CLPX: variants seen among roughly 807,000 people sequenced by gnomAD.
The protein encoded by CLPX is caseinolytic mitochondrial matrix peptidase chaperone subunit X.
Under a neutral mutation model 76.4 loss-of-function variants are expected in CLPX, and 34 were observed. The ratio of observed to expected loss-of-function variants is 0.45; its 90% confidence interval spans 0.34 to 0.59. The LOEUF (loss-of-function observed/expected upper bound fraction) is 0.59, where lower values mean the gene tolerates loss of function less well. Among genes scored for constraint, CLPX ranks in the 20% least tolerant of loss-of-function variants. The probability of loss-of-function intolerance (pLI) is 0.01; values close to 1 mark genes in which losing one functional copy is unlikely to be tolerated. For synonymous variants in CLPX, 248 were observed against 270.9 expected (o/e 0.92, Z 0.83); for missense variants, 613 against 757.0 (o/e 0.81, Z 2.23).
At position 65,182,114 on chromosome 15, in the gene CLPX, G is replaced by A. The variant is rs114713526; in HGVS notation, c.80-1910C>T. On this transcript the variant is annotated intron_variant, in intron 1 of 13. Coordinates refer to ENST00000300107, the MANE Select transcript of CLPX (RefSeq NM_006660.5). ...CTCCAGCTTAAGCAACAGAGTCTCC[G>A]TCTCAAAAAAAAAAAAAAAGAAAGA... Among the ~76,000 whole-genome samples, 875 of 136,700 alleles carry A rather than the reference G, an allele frequency of 6.4e-3. 8 individuals are homozygous for A. Among genetic ancestry groups the A allele is most frequent in the African/African-American group, 0.024 (835 of 35,214 alleles). 89.7% of individuals were successfully genotyped at this position (136,700 alleles called of 152,430 possible).
Position 65,153,537 on chromosome 15 carries a change from G to C in CLPX, c.1704+10C>G. On this transcript the variant is annotated intron_variant, in intron 12 of 13. Transcript: ENST00000300107. ...GAAATAATTGTTTTTATAGAATAAT[G>C]CCAACTCACCATTATGGACCGAAGG... is the stretch of plus-strand genomic sequence containing the variant. 1 of 1,521,198 alleles carries C rather than the reference G, an allele frequency of 6.6e-7. No individual in the cohort carries two copies. Among genetic ancestry groups the C allele is most frequent in the South Asian group, 1.2e-5 (1 of 85,134 alleles). 94.2% of individuals were successfully genotyped at this position (1,521,198 alleles called of 1,614,324 possible).
intron 3 of CLPX, among the ~76,000 whole-genome samples, chr15:65,170,822 C>CTTTTTTTT (rs749248279): frequency 8.4e-6 from 1 of 118,576 alleles, no homozygotes; most frequent in Non-Finnish European, 1.7e-5. Flanking sequence ...TTCTGTTCTT[C>CTTTTTTTT]TTTTTTTTTT....
At chr15:65,183,112 C>T (rs751999662) in intron 1 of CLPX, among the ~76,000 whole-genome samples, 6 of 146,904 alleles carry the variant, frequency 4.1e-5, no homozygotes, top group Admixed American at 2.1e-4. Context: ...TGCAGTGAGC[C>T]GAGATCGCGC....
intron 3 of CLPX, among the ~76,000 whole-genome samples, chr15:65,168,382 T>G (rs2087948201): frequency 3.6e-4 from 1 of 2,760 alleles, no homozygotes; most frequent in African/African-American, 8.1e-4. Flanking sequence ...AGACTCTGTC[T>G]CAAAAAAAAA....
chr15:65,153,397 A>G, intron 12 of CLPX, 150 bp downstream of exon 12: 1 of 580,652 alleles, frequency 1.7e-6, no homozygotes, highest in Non-Finnish European at 3.0e-6. Context: ...TGGAGATTGC[A>G]GTGAGCCAAG....
intron 3 of CLPX, among the ~76,000 whole-genome samples, chr15:65,172,520 C>G (rs1307330830): frequency 2.0e-5 from 3 of 152,080 alleles, no homozygotes; most frequent in African/African-American, 7.2e-5. Flanking sequence ...GTAATCCCAG[C>G]TACTCAGGAG....
chr15:65,178,094 C>T (rs1456230584), intron 3 of CLPX, among the ~76,000 whole-genome samples: 2 of 152,190 alleles, frequency 1.3e-5, no homozygotes, highest in East Asian at 1.9e-4. Context: ...GTGCCCAGCC[C>T]TGATTTCTTC....
chr15:65,151,299 C>T (rs2140607067), intron 13 of CLPX, among the ~76,000 whole-genome samples: 1 of 135,094 alleles, frequency 7.4e-6, no homozygotes, highest in East Asian at 2.2e-4. Context: ...AAGCCGAAAT[C>T]ATACCACTGC....
chr15:65,155,375 G>A (rs1420094527), intron 10 of CLPX, among the ~76,000 whole-genome samples: 2 of 152,022 alleles, frequency 1.3e-5, no homozygotes, highest in African/African-American at 2.4e-5. Context: ...TCAGCCTCCC[G>A]AGTAGCTGGG....
chr15:65,185,167 A>G lies in CLPX; in HGVS notation c.-14T>C. On this transcript the variant is annotated 5_prime_UTR_variant, in exon 1 of 14. Transcript: ENST00000300107. Reference sequence around the variant, plus strand: ...GCAGCTGGGCATCTCCGCGAGGCCTAGGCCGGGGCTTCGCCCCCTGAGGAC... The same window carrying G: ...GCAGCTGGGCATCTCCGCGAGGCCTGGGCCGGGGCTTCGCCCCCTGAGGAC... 1 of 1,556,324 alleles carries G rather than the reference A, an allele frequency of 6.4e-7. No individual in the cohort carries two copies.
At chr15:65,175,253 A>T (rs2088074216) in intron 3 of CLPX, among the ~76,000 whole-genome samples, 1 of 152,216 alleles carries the variant, frequency 6.6e-6, no homozygotes. Flanking sequence ...TGGGAGGCCA[A>T]GGCAGGTGAA....
chr15:65,184,188 A>C (rs1480598864), intron 1 of CLPX, among the ~76,000 whole-genome samples: 1 of 152,248 alleles, frequency 6.6e-6, no homozygotes, highest in Middle Eastern at 3.2e-3. Flanking sequence ...AATAAAACGA[A>C]TTTGTCTAGA....
rs1208018219 is a variant in CLPX at position 65,164,188 on chromosome 15, T to A, written c.514A>T (p.Ile172Phe). 6.2e-7 allele frequency: 1 copy of A among 1,604,238 alleles called. No individual in the cohort carries two copies. The highest frequency in any genetic ancestry group is 2.2e-5 in the East Asian group (1 of 44,622). Residue 172 changes from isoleucine (I) to phenylalanine (F), a missense_variant and splice_region_variant, in exon 5 of 14, where the codon ATT (isoleucine) becomes TTT (phenylalanine). By Grantham distance (21) the Ile-to-Phe change is conservative. Around this residue, in one of 2 missense-constraint regions of CLPX, gnomAD observed 450 missense variants for 638.6 expected, o/e 0.70. Coordinates refer to ENST00000300107, the MANE Select transcript of CLPX (RefSeq NM_006660.5). ...QQKPPPPPKK[I>F]YNYLDKYVVG... Reference sequence around the variant, plus strand: ...ACATACTTGTCGAGGTAGTTATAAATCTGAAAAATGATTAGGTATGAATAA... The same window carrying A: ...ACATACTTGTCGAGGTAGTTATAAAACTGAAAAATGATTAGGTATGAATAA...
rs1031907991 is a variant in CLPX at position 65,149,810 on chromosome 15, AGATCGCACCACTGCACTT to A, written c.*995_*1012del. The A allele has an allele frequency of 5.1e-6, 1 of 195,528 alleles. No individual in the cohort carries two copies. The highest frequency in any genetic ancestry group is 1.1e-5 in the Non-Finnish European group (1 of 93,314). The allele number at this position is 195,528 out of a possible 1,614,324, so 12.1% of individuals were successfully genotyped here. On this transcript the variant is annotated 3_prime_UTR_variant, in exon 14 of 14. Transcript: ENST00000300107. ...GGGAGGCGGAGGTTGCAGTGAGCCA[AGATCGCACCACTGCACTT>A]CAGCTTGGGACAGCGTGAGACTCCG...
At chr15:65,173,634 T>C (rs1328896725) in intron 3 of CLPX, among the ~76,000 whole-genome samples, 1 of 151,976 alleles carries the variant, frequency 6.6e-6, no homozygotes, top group Non-Finnish European at 1.5e-5. Flanking sequence ...AGCCAACAAG[T>C]AGAAACAATG....
chr15:65,183,248 A>C (rs1419698015), intron 1 of CLPX, among the ~76,000 whole-genome samples: 3 of 151,556 alleles, frequency 2.0e-5, no homozygotes, highest in Non-Finnish European at 4.4e-5. Context: ...GGATCACAAG[A>C]TCAGGAGATC....
At chr15:65,182,172 G>A (rs190933055) in intron 1 of CLPX, among the ~76,000 whole-genome samples, 2 of 150,328 alleles carry the variant, frequency 1.3e-5, no homozygotes, top group East Asian at 3.9e-4. Flanking sequence ...TTGAGGGAGA[G>A]TGACAGATGC....
rs1374447978 is a variant in CLPX at position 65,152,422 on chromosome 15, C to T, written c.1811+8G>A. 4.2e-6 allele frequency: 6 copies of T among 1,414,958 alleles called. No homozygotes were observed. Among genetic ancestry groups the T allele is most frequent in the African/African-American group, 1.5e-5 (1 of 68,120 alleles). The allele number at this position is 1,414,958 out of a possible 1,614,324, so 87.7% of individuals were successfully genotyped here. The stretch of plus-strand genomic sequence containing the variant: ...TTGTATCTGTTCTGGCTTGAAAATA[C>T]ACTTTACCGGATGTATCCTGGTTCC... On this transcript the variant is annotated splice_region_variant and intron_variant, in intron 13 of 13. Transcript: ENST00000300107.
chr15:65,182,856 C>T (rs187853240), intron 1 of CLPX, among the ~76,000 whole-genome samples: 1 of 152,174 alleles, frequency 6.6e-6, no homozygotes, highest in African/African-American at 2.4e-5. Context: ...AATTTCAGAA[C>T]AACTGTTTTT....
Sources: gnomAD v4.1 joint callset for allele counts (sites outside exome capture counted in the v4.1 genomes callset) on GRCh38, gnomAD v4.1.1 for gene constraint, gnomAD v4.1.1 regional missense constraint, MANE v1.5 for transcripts, NCBI Gene and HGNC (gene_info 2026-07-23, HGNC 2026-07-21) for gene names.